SMARCAD1: variants seen among roughly 807,000 people sequenced by gnomAD.
SMARCAD1 encodes SNF2 related chromatin remodeling ATPase with DExD box 1.
Under a neutral mutation model 127.1 loss-of-function variants are expected in SMARCAD1, and 25 were observed. The ratio of observed to expected loss-of-function variants is 0.20; its 90% confidence interval spans 0.14 to 0.27. SMARCAD1 has a LOEUF of 0.27. Among genes scored for constraint, SMARCAD1 ranks in the 10% least tolerant of loss-of-function variants. SMARCAD1 has a pLI of 1.00. For synonymous variants in SMARCAD1, 400 were observed against 396.9 expected (o/e 1.01, Z -0.09); for missense variants, 807 against 1,206.0 (o/e 0.67, Z 4.90).
rs546346381 is a variant in SMARCAD1, at chr4:94,283,055, G to A, written c.2727-66G>A. 6.2e-5 allele frequency: 84 copies of A among 1,349,178 alleles called. No individual in the cohort carries two copies. The South Asian group carries it at 9.8e-4, about 16-fold the overall frequency. The allele number at this position is 1,349,178 out of a possible 1,614,324, so 83.6% of individuals were successfully genotyped here. On this transcript the variant is annotated intron_variant, in intron 21 of 23. Coordinates refer to ENST00000354268, the MANE Select transcript of SMARCAD1 (RefSeq NM_020159.5). ...GTTTCTTTTTCATGTGATAATGATT[G>A]TTTTCCATTTTAATTACATTATACA...
intron 6 of SMARCAD1, among the ~76,000 whole-genome samples, chr4:94,241,354 A>G (rs913007038): frequency 6.6e-6 from 1 of 152,200 alleles, no homozygotes; most frequent in Non-Finnish European, 1.5e-5. Flanking sequence ...TTAATTGCTT[A>G]TCTCTGCCCT....
At position 94,220,284 on chromosome 4, in the gene SMARCAD1, G is replaced by A. The variant is rs546833982; in HGVS notation, c.191-5835G>A. On this transcript the variant is annotated intron_variant, in intron 2 of 23. Coordinates refer to ENST00000354268, the MANE Select transcript of SMARCAD1 (RefSeq NM_020159.5). The stretch of plus-strand genomic sequence containing the variant: ...TTTTTTTGAGATGGAATTTTGCTTT[G>A]TTGCCCAGGCTGGAGTGCAATGGCG... Among the ~76,000 whole-genome samples, 15 of 152,084 alleles carry A rather than the reference G, an allele frequency of 9.9e-5. No homozygotes were observed. In the East Asian group the frequency reaches 2.9e-3, roughly 29 times the overall value.
chr4:94,223,545 A>G (rs1292597075), intron 2 of SMARCAD1, among the ~76,000 whole-genome samples: 3 of 150,884 alleles, frequency 2.0e-5, no homozygotes, highest in African/African-American at 4.9e-5. Flanking sequence ...AAACTGGACA[A>G]TTCATTTTCT....
chr4:94,270,088 T>C (rs1400314193), intron 10 of SMARCAD1, among the ~76,000 whole-genome samples: 1 of 151,710 alleles, frequency 6.6e-6, no homozygotes, highest in African/African-American at 2.4e-5. Flanking sequence ...TACTCACTGA[T>C]GTTCACTGTC....
intron 10 of SMARCAD1, among the ~76,000 whole-genome samples, chr4:94,267,514 C>T (rs193174092): frequency 2.0e-5 from 3 of 152,176 alleles, no homozygotes; most frequent in East Asian, 1.9e-4. Context: ...TTCTATTTTA[C>T]GCCTTTCTCA....
chr4:94,221,379 T>C (rs544168996), intron 2 of SMARCAD1, among the ~76,000 whole-genome samples: 1 of 152,208 alleles, frequency 6.6e-6, no homozygotes, highest in Non-Finnish European at 1.5e-5. Context: ...TTCGTATGGT[T>C]CCAGTTTCCA....
chr4:94,241,282 A>G (rs1168526623), intron 6 of SMARCAD1, among the ~76,000 whole-genome samples: 1 of 152,208 alleles, frequency 6.6e-6, no homozygotes, highest in East Asian at 1.9e-4. Context: ...CAGCTAAGCC[A>G]GATAATTTGT....
At chr4:94,210,057 GT>G (rs1741948903) in intron 2 of SMARCAD1, among the ~76,000 whole-genome samples, 1 of 152,136 alleles carries the variant, frequency 6.6e-6, no homozygotes, top group African/African-American at 2.4e-5. Context: ...TCAGTGGAAT[GT>G]TTTAGTTATT....
intron 10 of SMARCAD1, 76 bp from the exon 11 acceptor site, chr4:94,270,652 T>C: frequency 7.7e-7 from 1 of 1,292,422 alleles, no homozygotes. Context: ...TTTTAGTTTT[T>C]ATGTGCATTG....
At chr4:94,255,998 T>C (rs1750016037) in intron 9 of SMARCAD1, among the ~76,000 whole-genome samples, 1 of 152,116 alleles carries the variant, frequency 6.6e-6, no homozygotes, top group Admixed American at 6.5e-5. Flanking sequence ...GTGGTAAAAA[T>C]TGGAATTTTT....
At chr4:94,260,487 G>A (rs1750802394) in intron 9 of SMARCAD1, among the ~76,000 whole-genome samples, 1 of 152,022 alleles carries the variant, frequency 6.6e-6, no homozygotes, top group Admixed American at 6.6e-5. Flanking sequence ...GGGATTACAG[G>A]CGTGCACCAC....
chr4:94,275,905 C>T (rs985231222), intron 14 of SMARCAD1, among the ~76,000 whole-genome samples: 1 of 150,936 alleles, frequency 6.6e-6, no homozygotes, highest in African/African-American at 2.4e-5. Context: ...TCACGCCATT[C>T]TCCTGCCTCA....
At chr4:94,259,896 A>G (rs1281407513) in intron 9 of SMARCAD1, among the ~76,000 whole-genome samples, 1 of 152,182 alleles carries the variant, frequency 6.6e-6, no homozygotes, top group Non-Finnish European at 1.5e-5. Context: ...TCAGAGTTCA[A>G]ATTTCCAGTT....
intron 11 of SMARCAD1, among the ~76,000 whole-genome samples, chr4:94,271,205 T>C (rs1752497566): frequency 6.6e-6 from 1 of 152,254 alleles, no homozygotes; most frequent in Admixed American, 6.5e-5. Flanking sequence ...ATATGTGCTT[T>C]TTCTACAGCT....
At chr4:94,235,910 A>C (rs904528815) in intron 4 of SMARCAD1, among the ~76,000 whole-genome samples, 22 of 152,128 alleles carry the variant, frequency 1.4e-4, no homozygotes, top group Non-Finnish European at 7.4e-5. Context: ...TGTTTCATAA[A>C]TCAGTATCTG....
intron 6 of SMARCAD1, among the ~76,000 whole-genome samples, chr4:94,243,330 G>C (rs728989): frequency 0.66 from 100,461 of 152,126 alleles, 35,593 homozygotes; most frequent in East Asian, 0.89. Flanking sequence ...GAGAGTCTGA[G>C]ACATCTGCAC....
At chr4:94,276,287 C>T (rs1753291108) in intron 14 of SMARCAD1, 52 bp from the exon 15 acceptor site, 1 of 1,603,464 alleles carries the variant, frequency 6.2e-7, no homozygotes, top group East Asian at 2.2e-5. Context: ...TTTCACTAGA[C>T]TCCAAGCTCT....
intron 6 of SMARCAD1, 57 bp downstream of exon 6, chr4:94,241,063 G>T: frequency 8.4e-7 from 1 of 1,183,734 alleles, no homozygotes; most frequent in Non-Finnish European, 1.3e-6. Context: ...TAGGATATGT[G>T]GAGTTTGTGG....
intron 2 of SMARCAD1, among the ~76,000 whole-genome samples, chr4:94,212,034 C>T (rs1742348741): frequency 6.6e-6 from 1 of 152,152 alleles, no homozygotes; most frequent in African/African-American, 2.4e-5. Context: ...AGAGCAGGAC[C>T]TTATCTGTTG....
Sources: allele counts gnomAD v4.1 joint callset (sites outside exome capture counted in the v4.1 genomes callset), GRCh38; gene constraint gnomAD v4.1.1; transcripts MANE v1.5; gene names NCBI Gene and HGNC (gene_info 2026-07-23, HGNC 2026-07-21).